The following SLC25A19 variants were observed in gnomAD, a reference collection of about 807,000 sequenced individuals.
The protein encoded by SLC25A19 is mitochondrial thiamine pyrophosphate carrier.
A neutral mutation model predicts 27.9 loss-of-function variants in SLC25A19; 18 were observed. That is an observed-to-expected ratio of 0.64 (90% CI 0.45 to 0.96). SLC25A19 has a LOEUF of 0.96. Ranked by LOEUF, SLC25A19 falls within the 40% of genes least tolerant of loss-of-function variation. The probability of loss-of-function intolerance (pLI) is 0.00; values close to 1 mark genes in which losing one functional copy is unlikely to be tolerated. For synonymous variants in SLC25A19, 169 were observed against 167.1 expected (o/e 1.01, Z -0.09); for missense variants, 371 against 418.3 (o/e 0.89, Z 0.99).
intron 4 of SLC25A19, among the ~76,000 whole-genome samples, chr17:75,284,303 T>C (rs534537607): frequency 1.3e-5 from 2 of 152,274 alleles, no homozygotes; most frequent in Non-Finnish European, 2.9e-5. Flanking sequence ...CTTGGGAGGC[T>C]GAGGCAGAAG....
Position 75,278,298 on chromosome 17 carries a change from T to C in SLC25A19, c.497A>G (p.Tyr166Cys), listed in dbSNP as rs760452046. The C allele has an allele frequency of 1.9e-6, 3 of 1,614,110 alleles. No individual in the cohort carries two copies. The part of the protein sequence containing the change: ...NTLRHAVGTM[Y>C]RSEGPQVFYK... ...GAAAACCTGGGGGCCTTCGCTCCTA[T>C]ACATGGTCCCCACGGCGTGGCGCAG... is the stretch of plus-strand genomic sequence containing the variant. Residue 166 changes from tyrosine (Y) to cysteine (C), a missense_variant, in exon 6 of 8, where the codon TAT becomes TGT. Transcript: ENST00000416858.
intron 6 of SLC25A19, 76 bp from the exon 7 acceptor site, chr17:75,277,559 G>A: frequency 6.4e-7 from 1 of 1,563,804 alleles, no homozygotes; most frequent in East Asian, 2.3e-5. Context: ...AAGGCGTCAG[G>A]GCTAATCCTC....
chr17:75,275,981 T>C lies in SLC25A19; in HGVS notation c.774+1372A>G, dbSNP rs138545943. ...GCGAGACTCCGTCTCAAAAAATATA[T>C]ATATATATATGGCTGGGCACAGTGG... On this transcript the variant is annotated intron_variant, in intron 7 of 7. Transcript: ENST00000416858. 2.7e-4 allele frequency among the ~76,000 whole-genome samples: 39 copies of C among 142,736 alleles called. No homozygotes were observed. In the East Asian group the frequency reaches 8.4e-3, roughly 31 times the overall value. The allele number at this position is 142,736 out of a possible 152,430, so 93.6% of individuals were successfully genotyped here.
In SLC25A19 at chr17:75,283,591, GAACTGCAAGAGT is replaced by G; in HGVS notation, c.289-10_290del. ...GCTCCGTCAGCATTTCAAATGACAAGAACTGCAAGAGTAAGTGAAGAAGTCACCGACAGCCCA... is the reference window on the plus strand; with the variant it reads ...GCTCCGTCAGCATTTCAAATGACAAGAAGTGAAGAAGTCACCGACAGCCCA... On this transcript the variant is annotated splice_acceptor_variant and splice_polypyrimidine_tract_variant and coding_sequence_variant and intron_variant, in exon 5 of 8. Coordinates refer to ENST00000416858, the MANE Select transcript of SLC25A19 (RefSeq NM_001126121.2). LOFTEE classifies it high-confidence loss of function. The G allele has an allele frequency of 6.2e-7, 1 of 1,612,994 alleles. No individual in the cohort carries two copies. Among genetic ancestry groups the G allele is most frequent in the Non-Finnish European group, 8.5e-7 (1 of 1,179,474 alleles).
At chr17:75,279,963 A>AT (rs1462872898) in intron 5 of SLC25A19, among the ~76,000 whole-genome samples, 2 of 152,092 alleles carry the variant, frequency 1.3e-5, no homozygotes, top group African/African-American at 4.8e-5. Flanking sequence ...TGCCTGGCTA[A>AT]TTTTTTTGTA....
intron 4 of SLC25A19, among the ~76,000 whole-genome samples, chr17:75,284,413 A>G (rs2078132136): frequency 6.6e-6 from 1 of 152,180 alleles, no homozygotes; most frequent in Non-Finnish European, 1.5e-5. Context: ...AAGAAAAAAT[A>G]AAAAAGATAC....
intron 7 of SLC25A19, 88 bp from the exon 8 acceptor site, chr17:75,273,727 T>C (rs1177250376): frequency 1.6e-6 from 2 of 1,270,808 alleles, no homozygotes; most frequent in South Asian, 1.2e-5. Flanking sequence ...TAAGAAGTAC[T>C]TGCTGGACAA....
At position 75,286,765 on chromosome 17, in the gene SLC25A19, C is replaced by T. The variant is rs754861414; in HGVS notation, c.-1G>A. On this transcript the variant is annotated 5_prime_UTR_variant, in exon 3 of 8. Coordinates refer to ENST00000416858, the MANE Select transcript of SLC25A19 (RefSeq NM_001126121.2). The stretch of plus-strand genomic sequence containing the variant: ...CTGGTTTGGGGTCATAGCCAACCAT[C>T]CCTGCCTCTGGCCCACACAATGTCC... 1 of 1,614,124 alleles carries T rather than the reference C, an allele frequency of 6.2e-7. No individual in the cohort carries two copies. Among genetic ancestry groups the T allele is most frequent in the Admixed American group, 1.7e-5 (1 of 60,004 alleles).
At chr17:75,286,971 T>G (rs1486438149) in intron 2 of SLC25A19, 169 bp from the exon 3 acceptor site, 2 of 606,032 alleles carry the variant, frequency 3.3e-6, no homozygotes, top group Non-Finnish European at 5.8e-6. Context: ...GAGGCCGAGG[T>G]GGGTGGATTG....
intron 4 of SLC25A19, among the ~76,000 whole-genome samples, chr17:75,285,833 G>A (rs1171984094): frequency 6.6e-6 from 1 of 152,186 alleles, no homozygotes; most frequent in African/African-American, 2.4e-5. Flanking sequence ...TGTGCACTAT[G>A]ACTATACTAG....
At chr17:75,279,264 T>A (rs2077975942) in intron 5 of SLC25A19, among the ~76,000 whole-genome samples, 1 of 152,056 alleles carries the variant, frequency 6.6e-6, no homozygotes, top group South Asian at 2.1e-4. Flanking sequence ...GGGTATTTTT[T>A]AAAATTATAA....
At position 75,277,406 on chromosome 17, in the gene SLC25A19, TG is replaced by T. The variant is rs773629986; in HGVS notation, c.720del (p.Phe240LeufsTer51). On this transcript the variant is annotated frameshift_variant, in exon 7 of 8. Coordinates refer to ENST00000416858, the MANE Select transcript of SLC25A19 (RefSeq NM_001126121.2). LOFTEE classifies it high-confidence loss of function. ...SKTLTYPLDLFKKRLQVGGFE... is the reference protein window; with the variant it reads ...SKTLTYPLDLXKKRLQVGGFE... ...AACCCTCCAACCTGTAGCCGCTTCTTGAAGAGGTCCAGCGGATATGTCAGGG... is the reference window on the plus strand; with the variant it reads ...AACCCTCCAACCTGTAGCCGCTTCTTAAGAGGTCCAGCGGATATGTCAGGG... 19 of 1,613,940 alleles carry T rather than the reference TG, an allele frequency of 1.2e-5. No homozygotes were observed. The highest frequency in any genetic ancestry group is 1.6e-5 in the Non-Finnish European group (19 of 1,180,000).
chr17:75,273,287 C>A lies in SLC25A19; in HGVS notation c.*164G>T. 1 of 682,746 alleles carries A rather than the reference C, an allele frequency of 1.5e-6. No homozygotes were observed. The allele number at this position is 682,746 out of a possible 1,614,324, so 42.3% of individuals were successfully genotyped here. A position where few individuals can be genotyped will look rare whatever the true frequency, so the allele number is the denominator to read the frequency against. On this transcript the variant is annotated 3_prime_UTR_variant, in exon 8 of 8. Coordinates refer to ENST00000416858, the MANE Select transcript of SLC25A19 (RefSeq NM_001126121.2). The stretch of plus-strand genomic sequence containing the variant: ...CCCTCTGATTCTCTCATGGGGAGAG[C>A]CCTGGACCTTCTGGTGGTGTCCCAG...
rs144393784 is a variant in SLC25A19 at position 75,278,230 on chromosome 17, C to T, written c.565G>A (p.Ala189Thr). The change falls in exon 6 of 8, where the codon GCC becomes ACC. Residue 189 changes from alanine to threonine, a missense_variant. By Grantham distance (58) the Ala-to-Thr change is moderately conservative. Transcript: ENST00000416858. ...CTGTAGCAAGAGAACTGCAGCCCGG[C>T]GTAGGGGAAGATGGCGATCAAGGTG... ...APTLIAIFPYAGLQFSCYSSL... is the reference protein window; with the variant it reads ...APTLIAIFPYTGLQFSCYSSL... The T allele has an allele frequency of 1.5e-4, 234 of 1,613,682 alleles. No homozygotes were observed. The highest frequency in any genetic ancestry group is 1.8e-4 in the Non-Finnish European group (218 of 1,180,010).
chr17:75,282,593 C>T (rs890201064), intron 5 of SLC25A19, among the ~76,000 whole-genome samples: 14 of 151,730 alleles, frequency 9.2e-5, no homozygotes, highest in East Asian at 3.9e-4. Context: ...CGGTGGCTCA[C>T]GCCTGTAATC....
In SLC25A19 at chr17:75,273,162, C is replaced by G. The variant is rs532311879; in HGVS notation, c.*289G>C. On this transcript the variant is annotated 3_prime_UTR_variant, in exon 8 of 8. Transcript: ENST00000416858. Reference sequence around the variant, plus strand: ...GGCAGGGCTGATAGGTGTAGGATGGCGTCTGTTTCCTTTGGAGTGTGGGCT... The same window carrying G: ...GGCAGGGCTGATAGGTGTAGGATGGGGTCTGTTTCCTTTGGAGTGTGGGCT... The G allele has an allele frequency of 2.2e-6, 1 of 453,578 alleles. No individual in the cohort carries two copies. The highest frequency in any genetic ancestry group is 2.0e-5 in the African/African-American group (1 of 50,534). 28.1% of individuals were successfully genotyped at this position (453,578 alleles called of 1,614,324 possible). A position where few individuals can be genotyped will look rare whatever the true frequency, so the allele number is the denominator to read the frequency against.
In SLC25A19 at chr17:75,286,757, C is replaced by G; in HGVS notation, c.8G>C (p.Gly3Ala). 1 of 1,614,134 alleles carries G rather than the reference C, an allele frequency of 6.2e-7. No individual in the cohort carries two copies. Among genetic ancestry groups the G allele is most frequent in the Non-Finnish European group, 8.5e-7 (1 of 1,180,038 alleles). The change falls in exon 3 of 8, where the codon GGC becomes GCC. Residue 3 changes from glycine to alanine, a missense_variant. Coordinates refer to ENST00000416858, the MANE Select transcript of SLC25A19 (RefSeq NM_001126121.2). ...CCTGCCATCTGGTTTGGGGTCATAG[C>G]CAACCATCCCTGCCTCTGGCCCACA... MVGYDPKPDGRNN... is the reference protein window; with the variant it reads MVAYDPKPDGRNN...
chr17:75,283,095 C>T (rs568147097), intron 5 of SLC25A19, among the ~76,000 whole-genome samples: 2,633 of 150,920 alleles, frequency 0.017, 28 homozygotes, highest in Non-Finnish European at 0.028. Context: ...GTCAGGAGAT[C>T]GAGACCATCC....
chr17:75,273,745 A>C, intron 7 of SLC25A19, 106 bp from the exon 8 acceptor site: 2 of 1,112,980 alleles, frequency 1.8e-6, no homozygotes, highest in Non-Finnish European at 2.7e-6. Context: ...CAAAGAAATG[A>C]ATGCAAAATA....
Sources: gnomAD v4.1 joint callset for allele counts (sites outside exome capture counted in the v4.1 genomes callset) on GRCh38, gnomAD v4.1.1 for gene constraint, MANE v1.5 for transcripts, NCBI Gene and HGNC (gene_info 2026-07-23, HGNC 2026-07-21) for gene names.